Variants in RRM2 observed in about 807,000 individuals in gnomAD.
The protein encoded by RRM2 is ribonucleotide reductase regulatory subunit M2.
Under a neutral mutation model 45.9 loss-of-function variants are expected in RRM2, and 6 were observed. The observed-to-expected ratio is 0.13, with a 90% CI of 0.07 to 0.26. The LOEUF is 0.26. RRM2 is among the 10% of genes least tolerant of loss of function. The pLI is 1.00. For synonymous variants in RRM2, 177 were observed against 173.0 expected, an observed-to-expected ratio of 1.02 and a Z score of -0.18; for missense variants, 343 against 489.5, an observed-to-expected ratio of 0.70 and a Z score of 2.82.
chr2:10,178,182 T>C (rs1340239476), intron 3 of RRM2, among the ~76,000 whole-genome samples: 8 of 149,572 alleles, frequency 5.3e-5, no homozygotes, highest in Admixed American at 4.0e-4. Context: ...TGCCTCGGCC[T>C]CCCAAAGTCC....
rs79312429 is a variant in RRM2 at position 10,162,971 on chromosome 2, A to G, written n.482+20596A>G. On this transcript the variant is annotated intron_variant and non_coding_transcript_variant, in intron 3 of 3. Coordinates refer to the RRM2 transcript ENST00000381786. Reference sequence around the variant, plus strand: ...GGCTGCTTCCAAGAATAGAGTAGACAGAGTCTGCACGGGGCTGCCAGTGGG... The same window carrying G: ...GGCTGCTTCCAAGAATAGAGTAGACGGAGTCTGCACGGGGCTGCCAGTGGG... Among the ~76,000 whole-genome samples, 960 of 152,326 alleles carry G rather than the reference A, an allele frequency of 6.3e-3. 6 individuals are homozygous for G. Among genetic ancestry groups the G allele is most frequent in the Middle Eastern group, 0.024 (7 of 294 alleles).
At chr2:10,159,262 G>A (rs180695721) in intron 3 of RRM2, among the ~76,000 whole-genome samples, 1 of 152,188 alleles carries the variant, frequency 6.6e-6, no homozygotes, top group Non-Finnish European at 1.5e-5. Flanking sequence ...GGTGCCCCAG[G>A]TACCCAGACG....
chr2:10,164,088 G>A (rs1663630200), intron 3 of RRM2, among the ~76,000 whole-genome samples: 1 of 151,910 alleles, frequency 6.6e-6, no homozygotes, highest in Non-Finnish European at 1.5e-5. Context: ...GTGTGCATAT[G>A]AGTGTGTGTG....
chr2:10,181,591 C>A (rs28450564), intron 3 of RRM2, among the ~76,000 whole-genome samples: 6,047 of 151,900 alleles, frequency 0.04, 399 homozygotes, highest in African/African-American at 0.14. Context: ...GCATTTCAGG[C>A]TAGAAATTTC....
chr2:10,161,585 A>G (rs1247230227), intron 3 of RRM2, among the ~76,000 whole-genome samples: 1 of 152,022 alleles, frequency 6.6e-6, no homozygotes, highest in African/African-American at 2.4e-5. Context: ...AAACACTTCT[A>G]TCCAACACAG....
chr2:10,129,263 T>C lies in RRM2; in HGVS notation c.1047T>C (p.Phe349=). The change falls in exon 10 of 10, where the codon TTT becomes TTC. Residue 349 remains phenylalanine (F), a synonymous_variant. Transcript: ENST00000304567. The surrounding 1 kb of genome is among the most constrained non-coding windows in gnomAD (Gnocchi z 4.8). The stretch of plus-strand genomic sequence containing the variant: ...TCAGAGTAGAGAACCCATTTGACTT[T>C]ATGGAGAATATTTCACTGGAAGGAA... The part of the protein sequence containing the change: ...KVFRVENPFD[F]MENISLEGKT... 6.2e-7 allele frequency: 1 copy of C among 1,614,088 alleles called. No individual in the cohort carries two copies. Among genetic ancestry groups the C allele is most frequent in the Non-Finnish European group, 8.5e-7 (1 of 1,179,996 alleles).
chr2:10,126,656 C>T, intron 5 of RRM2: 1 of 560,114 alleles, frequency 1.8e-6, no homozygotes, highest in East Asian at 2.9e-5. Flanking sequence ...AATACCCAAA[C>T]TTGTATTAAT....
rs1662895691 is a variant in RRM2, at chr2:10,131,267, C to T, written c.*1881C>T. Reference sequence around the variant, plus strand: ...GAAGTTGGAATCAGGTTTTAGGATTCTGTCTCTCATTAGCTGAATAATGTG... The same window carrying T: ...GAAGTTGGAATCAGGTTTTAGGATTTTGTCTCTCATTAGCTGAATAATGTG... On this transcript the variant is annotated 3_prime_UTR_variant, in exon 10 of 10. Transcript: ENST00000304567. 1 of 152,230 alleles carries T rather than the reference C, an allele frequency of 6.6e-6. No individual in the cohort carries two copies. The highest frequency in any genetic ancestry group is 1.5e-5 in the Non-Finnish European group (1 of 68,062). The allele number at this position is 152,230 out of a possible 1,614,324, so 9.4% of individuals were successfully genotyped here. A position where few individuals can be genotyped will look rare whatever the true frequency, so the allele number is the denominator to read the frequency against.
At chr2:10,161,496 G>C (rs1323715323) in intron 3 of RRM2, among the ~76,000 whole-genome samples, 1 of 152,126 alleles carries the variant, frequency 6.6e-6, no homozygotes, top group Non-Finnish European at 1.5e-5. Context: ...TGGCAACCTG[G>C]ACCAGGGATC....
Position 10,171,051 on chromosome 2 carries a change from C to T in RRM2, n.482+28676C>T, listed in dbSNP as rs549149785. ...GAAACGTGGGCATCTAGATGACCCT[C>T]CACACTGAGCAGACCCAGCACAGGC... On this transcript the variant is annotated intron_variant and non_coding_transcript_variant, in intron 3 of 3. Coordinates refer to the RRM2 transcript ENST00000381786. The surrounding 1 kb of genome is among the most constrained non-coding windows in gnomAD (Gnocchi z 4.1). Among the ~76,000 whole-genome samples, 1 of 152,330 alleles carries T rather than the reference C, an allele frequency of 6.6e-6. No individual in the cohort carries two copies. The highest frequency in any genetic ancestry group is 2.4e-5 in the African/African-American group (1 of 41,578).
rs1313531501 is a variant in RRM2, at chr2:10,122,839, C to T, written c.41C>T (p.Pro14Leu). The T allele has an allele frequency of 1.9e-6, 3 of 1,601,806 alleles. No individual in the cohort carries two copies. Among genetic ancestry groups the T allele is most frequent in the Middle Eastern group, 1.7e-4 (1 of 6,040 alleles). Residue 14 changes from proline to leucine, a missense_variant, in exon 1 of 10, where the codon CCG becomes CTG. By Grantham distance (98) the Pro-to-Leu change is moderately conservative. Around this residue, in one of 2 missense-constraint regions of RRM2, gnomAD observed 131 missense variants for 121.4 expected, o/e 1.08. Transcript: ENST00000304567. Reference protein sequence around the residue: ...LRVPLAPITDPQQLQLSPLKG... With the variant: ...LRVPLAPITDLQQLQLSPLKG... ...GTCCCGCTCGCGCCCATCACGGACC[C>T]GCAGCAGCTGCAGCTCTCGCCGCTG...
At chr2:10,149,742 G>T (rs950316073) in intron 3 of RRM2, among the ~76,000 whole-genome samples, 1 of 152,174 alleles carries the variant, frequency 6.6e-6, no homozygotes, top group Non-Finnish European at 1.5e-5. Context: ...GTGCAGTCTG[G>T]TGATTCCTCT....
At chr2:10,190,848 G>C (rs1416953091) in intron 3 of RRM2, among the ~76,000 whole-genome samples, 1 of 151,968 alleles carries the variant, frequency 6.6e-6, no homozygotes, top group Non-Finnish European at 1.5e-5. Flanking sequence ...GGTGATGGCA[G>C]AGATGGTTAC....
chr2:10,184,343 C>T (rs1374504852), intron 3 of RRM2, among the ~76,000 whole-genome samples: 4 of 152,230 alleles, frequency 2.6e-5, no homozygotes, highest in African/African-American at 9.6e-5. Flanking sequence ...ACTTCCTTCC[C>T]TTCCGATATT....
intron 3 of RRM2, among the ~76,000 whole-genome samples, chr2:10,206,408 C>A (rs74393291): frequency 0.065 from 9,919 of 152,108 alleles, 379 homozygotes; most frequent in Middle Eastern, 0.099. Context: ...ATATAAGCCA[C>A]CTAAACATCT....
chr2:10,130,338 A>C lies in RRM2; in HGVS notation c.*952A>C, dbSNP rs558883655. 5 of 152,344 alleles carry C rather than the reference A, an allele frequency of 3.3e-5. No homozygotes were observed. The East Asian group carries it at 9.6e-4, about 29-fold the overall frequency. 9.4% of individuals were successfully genotyped at this position (152,344 alleles called of 1,614,324 possible). On this transcript the variant is annotated 3_prime_UTR_variant, in exon 10 of 10. Transcript: ENST00000304567. Reference sequence around the variant, plus strand: ...TCCACCTAAGATCTTGCCCCTGTTAAGTGGTGAAATCAACTAGAGGTGGTT... The same window carrying C: ...TCCACCTAAGATCTTGCCCCTGTTACGTGGTGAAATCAACTAGAGGTGGTT...
At chr2:10,177,232 C>T (rs899135170) in intron 3 of RRM2, among the ~76,000 whole-genome samples, 17 of 150,760 alleles carry the variant, frequency 1.1e-4, no homozygotes, top group Admixed American at 3.3e-4. Flanking sequence ...GGCGACAGAG[C>T]GAGATTTCGC....
intron 5 of RRM2, 143 bp downstream of exon 5, chr2:10,124,993 G>C: frequency 1.4e-6 from 1 of 695,460 alleles, no homozygotes; most frequent in Non-Finnish European, 2.3e-6. Flanking sequence ...GGTCATGTCT[G>C]CTCTTAGCAA....
At chr2:10,164,729 T>A (rs1239355317) in intron 3 of RRM2, among the ~76,000 whole-genome samples, 1 of 152,248 alleles carries the variant, frequency 6.6e-6, no homozygotes, top group African/African-American at 2.4e-5. Flanking sequence ...ACCCATTTCC[T>A]ATCTGGGCGG....
Sources: gnomAD v4.1 joint callset for allele counts (sites outside exome capture counted in the v4.1 genomes callset) on GRCh38, gnomAD v4.1.1 for gene constraint, gnomAD v4.1.1 regional missense constraint, Gnocchi (gnomAD v3.1) non-coding constraint, MANE v1.5 for transcripts, NCBI Gene and HGNC (gene_info 2026-07-23, HGNC 2026-07-21) for gene names.